The following FIGLA variants were observed in gnomAD, a reference collection of about 807,000 sequenced individuals.
FIGLA encodes the protein factor in the germline alpha.
FIGLA carries 17 observed loss-of-function variants against 21.5 expected under a neutral mutation model. The ratio of observed to expected loss-of-function variants is 0.79; its 90% CI spans 0.54 to 1.19. The LOEUF (loss-of-function observed/expected upper bound fraction) is 1.19, where lower values mean the gene tolerates loss of function less well. Ranked by LOEUF, FIGLA falls within the 50% of genes most tolerant of loss-of-function variation. FIGLA has a pLI of 0.00. For synonymous variants in FIGLA, 129 were observed against 117.6 expected, an observed-to-expected ratio of 1.10 and a Z score of -0.63; for missense variants, 282 against 285.0, an observed-to-expected ratio of 0.99 and a Z score of 0.08.
intron 3 of FIGLA, among the ~76,000 whole-genome samples, chr2:70,781,834 G>C (rs566390819): frequency 1.7e-4 from 26 of 152,228 alleles, no homozygotes; most frequent in Non-Finnish European, 3.8e-4. Context: ...GCAGCGTGAA[G>C]ATCTTTGTGG....
At chr2:70,788,613 C>T (rs1675998653) in intron 1 of FIGLA, among the ~76,000 whole-genome samples, 2 of 152,136 alleles carry the variant, frequency 1.3e-5, no homozygotes, top group South Asian at 4.1e-4. Context: ...TGGAGCAAAC[C>T]AGACAAGGGA....
rs1289276329 is a variant in FIGLA, at chr2:70,790,539, A to G, written c.100T>C (p.Phe34Leu). The G allele has an allele frequency of 2.7e-5, 42 of 1,535,800 alleles. No individual in the cohort carries two copies. The highest frequency in any genetic ancestry group is 3.2e-5 in the Non-Finnish European group (37 of 1,145,498). The change falls in exon 1 of 5, where the codon TTC becomes CTC. Residue 34 changes from phenylalanine to leucine, a missense_variant. Phe to Leu is a conservative substitution (Grantham distance 22). Coordinates refer to ENST00000332372, the MANE Select transcript of FIGLA (RefSeq NM_001004311.3). Reference sequence around the variant, plus strand: ...GCGGCCAGCTGGGGCAGCGGCCCGAACTGCTCCCGCAACACGTCCTCCAGC... The same window carrying G: ...GCGGCCAGCTGGGGCAGCGGCCCGAGCTGCTCCCGCAACACGTCCTCCAGC... ...EVLEDVLREQ[F>L]GPLPQLAAVC...
intron 2 of FIGLA, among the ~76,000 whole-genome samples, chr2:70,786,076 A>G (rs1342036861): frequency 6.6e-6 from 1 of 152,224 alleles, no homozygotes; most frequent in South Asian, 2.1e-4. Context: ...GAAGAAAAAA[A>G]TATTCAAAGG....
intron 3 of FIGLA, among the ~76,000 whole-genome samples, chr2:70,783,208 TA>T (rs1276506487): frequency 6.6e-6 from 1 of 152,200 alleles, no homozygotes; most frequent in Non-Finnish European, 1.5e-5. Flanking sequence ...GCACTGTCTA[TA>T]AAAATCTCAA....
chr2:70,785,597 C>T lies in FIGLA; in HGVS notation c.427G>A (p.Glu143Lys), dbSNP rs1165316303. 19 of 1,613,860 alleles carry T rather than the reference C, an allele frequency of 1.2e-5. No individual in the cohort carries two copies. Among genetic ancestry groups the T allele is most frequent in the Non-Finnish European group, 1.5e-5 (18 of 1,179,898 alleles). The change falls in exon 3 of 5, where the codon GAA becomes AAA. Residue 143 changes from glutamate to lysine, a missense_variant. Coordinates refer to ENST00000332372, the MANE Select transcript of FIGLA (RefSeq NM_001004311.3). ...DEQSYSNNSS[E>K]SHTSSARQLS... ...TGTCTTGCCGAGGATGTATGTGATTCAGAACTGTTGTTACTATAGCTCTGC... is the reference window on the plus strand; with the variant it reads ...TGTCTTGCCGAGGATGTATGTGATTTAGAACTGTTGTTACTATAGCTCTGC...
chr2:70,790,332 C>T (rs1258754388), intron 1 of FIGLA, 76 bp downstream of exon 1: 7 of 1,393,212 alleles, frequency 5.0e-6, no homozygotes, highest in Admixed American at 4.9e-5. Context: ...GGTGAGCGGA[C>T]CCCCGGGTGT....
In FIGLA at chr2:70,787,589, G is replaced by T. The variant is rs979633602; in HGVS notation, c.384+60C>A. On this transcript the variant is annotated intron_variant, in intron 2 of 4. Transcript: ENST00000332372. ...CATATATCACTTGGCACAGTGTCTC[G>T]TACATAGAAAAGGCCTAATAAATGG... 20 of 1,468,810 alleles carry T rather than the reference G, an allele frequency of 1.4e-5. No individual in the cohort carries two copies. The African/African-American group carries it at 2.2e-4, about 17-fold the overall frequency. 91.0% of individuals were successfully genotyped at this position (1,468,810 alleles called of 1,614,324 possible). A position where few individuals can be genotyped will look rare whatever the true frequency, so the allele number is the denominator to read the frequency against.
chr2:70,788,271 C>G (rs1481795023), intron 1 of FIGLA, among the ~76,000 whole-genome samples: 1 of 152,024 alleles, frequency 6.6e-6, no homozygotes, highest in Non-Finnish European at 1.5e-5. Context: ...AATAAGATAC[C>G]TCACCCAAAC....
intron 2 of FIGLA, among the ~76,000 whole-genome samples, chr2:70,786,002 G>A (rs1424697878): frequency 2.0e-5 from 3 of 152,130 alleles, no homozygotes; most frequent in African/African-American, 7.2e-5. Context: ...TGACCAACAG[G>A]ACAATTCACT....
In FIGLA at chr2:70,777,385, G is replaced by A. The variant is rs1553388446; in HGVS notation, c.645-3C>T. ...TCATTTTTCATACTTGTGGAAGTCT[G>A]AAACAGAGAAAACATTCCATTATAA... On this transcript the variant is annotated splice_region_variant and splice_polypyrimidine_tract_variant and intron_variant, in intron 4 of 4. Coordinates refer to ENST00000332372, the MANE Select transcript of FIGLA (RefSeq NM_001004311.3). 1 of 1,484,976 alleles carries A rather than the reference G, an allele frequency of 6.7e-7. No homozygotes were observed. Among genetic ancestry groups the A allele is most frequent in the Non-Finnish European group, 9.0e-7 (1 of 1,113,146 alleles). 92.0% of individuals were successfully genotyped at this position (1,484,976 alleles called of 1,614,324 possible).
intron 3 of FIGLA, among the ~76,000 whole-genome samples, chr2:70,779,221 G>A (rs2104595888): frequency 6.6e-6 from 1 of 152,282 alleles, no homozygotes; most frequent in Non-Finnish European, 1.5e-5. Context: ...GAGTGGGGAG[G>A]ACTGGGACAA....
chr2:70,777,957 T>A (rs1675790654), intron 3 of FIGLA, among the ~76,000 whole-genome samples: 1 of 152,220 alleles, frequency 6.6e-6, no homozygotes, highest in Non-Finnish European at 1.5e-5. Flanking sequence ...CTCTGCTCAA[T>A]TTTCTGAAAC....
intron 3 of FIGLA, among the ~76,000 whole-genome samples, chr2:70,784,730 T>G (rs4241243): frequency 0.11 from 17,297 of 152,154 alleles, 1,057 homozygotes; most frequent in East Asian, 0.17. Context: ...TACACCTTTC[T>G]TATTTCAATA....
At chr2:70,787,916 C>G in intron 1 of FIGLA, 115 bp from the exon 2 acceptor site, 1 of 1,003,142 alleles carries the variant, frequency 1.0e-6, no homozygotes, top group Middle Eastern at 2.4e-4. Flanking sequence ...CAAATCTAAA[C>G]AGGCATATGC....
At chr2:70,783,281 G>T (rs1232569232) in intron 3 of FIGLA, among the ~76,000 whole-genome samples, 2 of 152,096 alleles carry the variant, frequency 1.3e-5, no homozygotes, top group South Asian at 2.1e-4. Flanking sequence ...AACAAACTTG[G>T]TTGGCTAAAA....
intron 4 of FIGLA, 113 bp downstream of exon 4, chr2:70,777,524 A>G (rs1331595205): frequency 2.8e-5 from 41 of 1,471,350 alleles, no homozygotes; most frequent in Admixed American, 4.3e-5. Flanking sequence ...ACCCATTAAG[A>G]TTCCTTCTTT....
intron 3 of FIGLA, among the ~76,000 whole-genome samples, chr2:70,780,343 G>A (rs1443024999): frequency 6.6e-6 from 1 of 152,158 alleles, no homozygotes; most frequent in African/African-American, 2.4e-5. Context: ...GCTGGAGAGG[G>A]CCTGCCTCCC....
In FIGLA at chr2:70,790,492, C is replaced by CA; in HGVS notation, c.146dup (p.Pro50AlafsTer9). The CA allele has an allele frequency of 1.9e-6, 3 of 1,543,756 alleles. No individual in the cohort carries two copies. The highest frequency in any genetic ancestry group is 2.6e-6 in the Non-Finnish European group (3 of 1,146,396). On this transcript the variant is annotated frameshift_variant, in exon 1 of 5. Coordinates refer to ENST00000332372, the MANE Select transcript of FIGLA (RefSeq NM_001004311.3). LOFTEE classifies it high-confidence loss of function. The stretch of plus-strand genomic sequence containing the variant: ...CAGTGGACGAGTAGCCGCCCGAGGG[C>CA]AGCCGCTTGAGCCGGCAGACAGCGG...
intron 2 of FIGLA, among the ~76,000 whole-genome samples, chr2:70,786,141 T>C (rs1553389984): frequency 6.6e-6 from 1 of 152,180 alleles, no homozygotes; most frequent in Non-Finnish European, 1.5e-5. Flanking sequence ...ATTGTTTCTT[T>C]TCTCTCTAGT....
Sources: gnomAD v4.1 joint callset for allele counts (sites outside exome capture counted in the v4.1 genomes callset) on GRCh38, gnomAD v4.1.1 for gene constraint, MANE v1.5 for transcripts, NCBI Gene and HGNC (gene_info 2026-07-23, HGNC 2026-07-21) for gene names.